DBH: variants seen among roughly 807,000 people sequenced by gnomAD.
DBH encodes dopamine beta-hydroxylase.
Under a neutral mutation model 64.0 loss-of-function variants are expected in DBH, and 49 were observed. That is an observed-to-expected ratio of 0.77 (90% CI 0.61 to 0.97). DBH has a LOEUF of 0.97. Ranked by LOEUF, DBH falls within the 50% of genes least tolerant of loss-of-function variation. The probability of loss-of-function intolerance (pLI) is 0.00; values close to 1 mark genes in which losing one functional copy is unlikely to be tolerated. For synonymous variants in DBH, 343 were observed against 347.1 expected, an observed-to-expected ratio of 0.99 and a Z score of 0.13; for missense variants, 828 against 826.6, an observed-to-expected ratio of 1.00 and a Z score of -0.02.
intron 2 of DBH, among the ~76,000 whole-genome samples, chr9:133,641,488 G>C (rs111724879): frequency 6.6e-6 from 1 of 152,214 alleles, no homozygotes; most frequent in African/African-American, 2.4e-5. Flanking sequence ...TGCACAGGGC[G>C]GCCCATCGGC....
intron 3 of DBH, among the ~76,000 whole-genome samples, 185 bp downstream of exon 3, chr9:133,642,649 T>C (rs1340238785): frequency 6.6e-6 from 1 of 152,090 alleles, no homozygotes; most frequent in East Asian, 1.9e-4. Flanking sequence ...ATCACTCTGC[T>C]CACTCCCCTA....
At position 133,643,187 on chromosome 9, in the gene DBH, T is replaced by TTGGCAGGTAA. The variant is rs11283016; in HGVS notation, c.745-222_745-221insAGGTAATGGC. On this transcript the variant is annotated intron_variant, in intron 3 of 11. Coordinates refer to ENST00000393056, the MANE Select transcript of DBH (RefSeq NM_000787.4). This position sits in a 1 kb window ranked among gnomAD's most constrained non-coding sequence, Gnocchi z 5.3. ...AGGACGGCTGCGTCCTGTCCCTGCC[T>TTGGCAGGTAA]TGGCCTGTACGAACCTCATTTCCTT... 2.0e-4 allele frequency among the ~76,000 whole-genome samples: 31 copies of TTGGCAGGTAA among 151,722 alleles called. No homozygotes were observed. Among genetic ancestry groups the TTGGCAGGTAA allele is most frequent in the African/African-American group, 7.2e-4 (30 of 41,396 alleles).
intron 1 of DBH, among the ~76,000 whole-genome samples, chr9:133,639,346 G>A (rs1256243999): frequency 6.6e-6 from 1 of 152,062 alleles, no homozygotes; most frequent in Non-Finnish European, 1.5e-5. Context: ...TCTTAGATGT[G>A]GCACCCTGGT....
At chr9:133,642,119 G>A (rs1832122734) in intron 2 of DBH, 88 bp from the exon 3 acceptor site, 2 of 1,555,524 alleles carry the variant, frequency 1.3e-6, no homozygotes, top group Non-Finnish European at 8.8e-7. Context: ...CCTGGTAGGT[G>A]TGGGTGGGCA....
At position 133,652,982 on chromosome 9, in the gene DBH, C is replaced by G; in HGVS notation, c.1417C>G (p.Arg473Gly). ...ITSCTYNTED[R>G]ELATVGGFGI... ...CTCCTGCACGTACAACACAGAAGAC[C>G]GGGAGCTGGCCACAGTGGTAAGTCA... Residue 473 changes from arginine (R) to glycine (G), a missense_variant, in exon 9 of 12, where the codon CGG becomes GGG. Arg to Gly is a moderately radical substitution (Grantham distance 125, BLOSUM62 -2). Coordinates refer to ENST00000393056, the MANE Select transcript of DBH (RefSeq NM_000787.4). 1.2e-6 allele frequency: 2 copies of G among 1,613,318 alleles called. No homozygotes were observed. Among genetic ancestry groups the G allele is most frequent in the Non-Finnish European group, 1.7e-6 (2 of 1,179,550 alleles).
chr9:133,648,497 T>C (rs903535234), intron 6 of DBH, among the ~76,000 whole-genome samples: 5 of 152,244 alleles, frequency 3.3e-5, no homozygotes, highest in African/African-American at 1.2e-4. Flanking sequence ...TTGTATTGAA[T>C]AGTTAACAAA....
At chr9:133,653,049 C>T (rs1342411633) in intron 9 of DBH, 50 bp downstream of exon 9, 1 of 1,382,592 alleles carries the variant, frequency 7.2e-7, no homozygotes, top group African/African-American at 1.4e-5. Flanking sequence ...AGTGTTCAGC[C>T]TGAGCCATCT....
chr9:133,643,791 C>T lies in DBH; in HGVS notation c.921+202C>T, dbSNP rs1032694013. ...ATGCTTCAAGCCTTTTTTTTATTTT[C>T]CACAGAAACGCAAGTGCCGCAGGAC... On this transcript the variant is annotated intron_variant, in intron 4 of 11. Coordinates refer to ENST00000393056, the MANE Select transcript of DBH (RefSeq NM_000787.4). The surrounding 1 kb of genome is among the most constrained non-coding windows in gnomAD (Gnocchi z 5.3). Among the ~76,000 whole-genome samples, 1 of 152,046 alleles carries T rather than the reference C, an allele frequency of 6.6e-6. No individual in the cohort carries two copies. Among genetic ancestry groups the T allele is most frequent in the Admixed American group, 6.5e-5 (1 of 15,282 alleles).
intron 2 of DBH, among the ~76,000 whole-genome samples, chr9:133,640,632 C>T (rs1279959960): frequency 2.0e-5 from 3 of 152,264 alleles, no homozygotes; most frequent in African/African-American, 7.2e-5. Context: ...CACCTGACAG[C>T]TTTTGTCTTG....
intron 6 of DBH, among the ~76,000 whole-genome samples, chr9:133,650,518 TTCC>T (rs1832235783): frequency 6.6e-6 from 1 of 150,828 alleles, no homozygotes; most frequent in South Asian, 2.1e-4. Flanking sequence ...CTTTCCTTCC[TTCC>T]TTCCTTCTCT....
intron 9 of DBH, among the ~76,000 whole-genome samples, chr9:133,654,021 C>T (rs1205372223): frequency 2.0e-5 from 3 of 152,252 alleles, no homozygotes; most frequent in Non-Finnish European, 2.9e-5. Context: ...AACTCAGGTC[C>T]ATGTCACAGC....
chr9:133,636,782 C>A, intron 1 of DBH, 72 bp downstream of exon 1: 1 of 1,374,628 alleles, frequency 7.3e-7, no homozygotes, highest in Non-Finnish European at 1.0e-6. Flanking sequence ...TCTTTCTGCA[C>A]TCACCCTCCT....
chr9:133,638,074 C>T (rs1405707536), intron 1 of DBH, among the ~76,000 whole-genome samples: 1 of 152,264 alleles, frequency 6.6e-6, no homozygotes, highest in Non-Finnish European at 1.5e-5. Flanking sequence ...GTCCCCCCTG[C>T]CTGCATTTCC....
At position 133,636,537 on chromosome 9, in the gene DBH, G is replaced by T; in HGVS notation, c.166G>T (p.Glu56Ter). 3 of 1,613,502 alleles carry T rather than the reference G, an allele frequency of 1.9e-6. No individual in the cohort carries two copies. Among genetic ancestry groups the T allele is most frequent in the Non-Finnish European group, 2.5e-6 (3 of 1,180,002 alleles). Residue 56 changes from glutamate to a stop codon, truncating the protein, a stop_gained, in exon 1 of 12, where the codon GAG becomes TAG. Transcript: ENST00000393056. LOFTEE classifies it high-confidence loss of function. ...CCCCTATCACATCCCCCTGGACCCG[G>T]AGGGGTCCCTGGAGCTCTCATGGAA... ...PLPYHIPLDPEGSLELSWNVS... is the reference protein window; with the variant it reads ...PLPYHIPLDP
rs1329178110 is a variant in DBH, at chr9:133,656,515, A to C, written c.1435-8A>C. 2.6e-5 allele frequency: 42 copies of C among 1,613,666 alleles called. No individual in the cohort carries two copies. Among genetic ancestry groups the C allele is most frequent in the Non-Finnish European group, 3.4e-5 (40 of 1,179,986 alleles). ...GCCCGGGGCTGACGGGTCTCCTCCA[A>C]CTTGCAGGGGGGCTTCGGGATCCTG... is the stretch of plus-strand genomic sequence containing the variant. On this transcript the variant is annotated splice_polypyrimidine_tract_variant and splice_region_variant and intron_variant, in intron 9 of 11. Coordinates refer to ENST00000393056, the MANE Select transcript of DBH (RefSeq NM_000787.4).
intron 6 of DBH, among the ~76,000 whole-genome samples, chr9:133,649,443 A>G (rs983886969): frequency 6.6e-6 from 1 of 152,222 alleles, no homozygotes; most frequent in Non-Finnish European, 1.5e-5. Flanking sequence ...AGTCTGTCTG[A>G]CTTTGAAAGC....
At chr9:133,653,577 C>A (rs971695940) in intron 9 of DBH, among the ~76,000 whole-genome samples, 3 of 151,982 alleles carry the variant, frequency 2.0e-5, no homozygotes, top group African/African-American at 7.2e-5. Context: ...GGGCTGCGTG[C>A]GGGAAGGCCC....
chr9:133,647,993 C>G lies in DBH; in HGVS notation c.1172C>G (p.Thr391Arg), dbSNP rs138015991. Residue 391 changes from threonine to arginine, a missense_variant, in exon 6 of 12, where the codon ACG becomes AGG. By Grantham distance (71) the Thr-to-Arg change is moderately conservative (BLOSUM62 -1). Transcript: ENST00000393056. ...ETAFILTGYC[T>R]DKCTQLALPP... Reference sequence around the variant, plus strand: ...GCCTTCATCCTCACTGGCTACTGCACGGACAAGTGCACCCAGCTGGTGAGT... The same window carrying G: ...GCCTTCATCCTCACTGGCTACTGCAGGGACAAGTGCACCCAGCTGGTGAGT... The G allele has an allele frequency of 1.9e-6, 3 of 1,612,822 alleles. No homozygotes were observed. The highest frequency in any genetic ancestry group is 2.5e-6 in the Non-Finnish European group (3 of 1,179,768).
intron 11 of DBH, among the ~76,000 whole-genome samples, chr9:133,657,636 G>T (rs911302408): frequency 6.6e-6 from 1 of 152,186 alleles, no homozygotes; most frequent in South Asian, 2.1e-4. Flanking sequence ...GCACTAACCT[G>T]CCTAAAAATA....
Sources: gnomAD v4.1 joint callset for allele counts (sites outside exome capture counted in the v4.1 genomes callset) on GRCh38, gnomAD v4.1.1 for gene constraint, Gnocchi (gnomAD v3.1) non-coding constraint, MANE v1.5 for transcripts, NCBI Gene and HGNC (gene_info 2026-07-23, HGNC 2026-07-21) for gene names.